NAALADL2: variants seen among roughly 807,000 people sequenced by gnomAD.
NAALADL2 encodes N-acetylated alpha-linked acidic dipeptidase like 2, also known as inactive N-acetylated-alpha-linked acidic dipeptidase-like protein 2.
A neutral mutation model predicts 87.2 loss-of-function variants in NAALADL2; 76 were observed. The ratio of observed to expected loss-of-function variants is 0.87; its 90% CI spans 0.72 to 1.05. NAALADL2 has a LOEUF of 1.05. Among genes scored for constraint, NAALADL2 ranks in the 50% least tolerant of loss-of-function variants. The pLI is 0.00. For synonymous variants in NAALADL2, 354 were observed against 331.0 expected (o/e 1.07, Z -0.75); for missense variants, 1,089 against 945.8 (o/e 1.15, Z -1.99).
At chr3:174,944,815 G>A (rs913249732) in intron 1 of NAALADL2, among the ~76,000 whole-genome samples, 1 of 152,106 alleles carries the variant, frequency 6.6e-6, no homozygotes, top group African/African-American at 2.4e-5. Context: ...GTTCCCAGGG[G>A]TCACACATTC....
At chr3:175,172,213 G>T (rs966512491) in intron 2 of NAALADL2, among the ~76,000 whole-genome samples, 7 of 151,910 alleles carry the variant, frequency 4.6e-5, no homozygotes, top group African/African-American at 1.7e-4. Context: ...CATTGATAAT[G>T]TAATCATATC....
chr3:175,131,549 C>T (rs1238272132), intron 2 of NAALADL2, among the ~76,000 whole-genome samples: 2 of 152,202 alleles, frequency 1.3e-5, no homozygotes, highest in African/African-American at 4.8e-5. Context: ...CCTCTTTCTA[C>T]ACAGACATGG....
chr3:174,455,112 A>G (rs1037561607), intron 1 of NAALADL2, among the ~76,000 whole-genome samples: 17 of 152,214 alleles, frequency 1.1e-4, no homozygotes, highest in African/African-American at 2.4e-4. Context: ...CTCTGTGCAT[A>G]CAAACTAAAA....
intron 1 of NAALADL2, among the ~76,000 whole-genome samples, chr3:175,061,799 T>C (rs1713553004): frequency 6.6e-6 from 1 of 151,148 alleles, no homozygotes; most frequent in African/African-American, 2.4e-5. Flanking sequence ...TCCATGAGCT[T>C]ATGCCTATGT....
At chr3:175,400,293 T>C (rs566049680) in intron 5 of NAALADL2, among the ~76,000 whole-genome samples, 2 of 152,248 alleles carry the variant, frequency 1.3e-5, no homozygotes, top group South Asian at 4.1e-4. Flanking sequence ...CTTTCCCAGG[T>C]AACAAGCACA....
At chr3:174,705,782 C>CAAAA (rs368457644) in intron 2 of NAALADL2, among the ~76,000 whole-genome samples, 2 of 114,538 alleles carry the variant, frequency 1.7e-5, no homozygotes, top group African/African-American at 3.5e-5. Flanking sequence ...GACTCCGTCT[C>CAAAA]AAAAAAAAAA....
At chr3:174,624,706 A>C (rs1167569735) in intron 2 of NAALADL2, among the ~76,000 whole-genome samples, 1 of 152,062 alleles carries the variant, frequency 6.6e-6, no homozygotes, top group Non-Finnish European at 1.5e-5. Flanking sequence ...AAAATAACTA[A>C]TAGTTATTTA....
intron 2 of NAALADL2, among the ~76,000 whole-genome samples, chr3:174,573,525 A>G (rs925957729): frequency 6.6e-6 from 1 of 152,146 alleles, no homozygotes; most frequent in Admixed American, 6.6e-5. Context: ...GTAATTTATA[A>G]TGGAAAAAAG....
chr3:175,730,456 A>G (rs1743586964), intron 11 of NAALADL2, among the ~76,000 whole-genome samples: 1 of 135,624 alleles, frequency 7.4e-6, no homozygotes, highest in Admixed American at 7.3e-5. Flanking sequence ...ACACATACAC[A>G]CGCACACACA....
chr3:175,639,296 GT>G (rs909257456), intron 11 of NAALADL2, among the ~76,000 whole-genome samples: 4 of 133,840 alleles, frequency 3.0e-5, no homozygotes, highest in East Asian at 4.4e-4. Context: ...GCCCACAGCA[GT>G]TTTTTTTCAA....
chr3:175,247,533 C>G (rs1748210987), intron 3 of NAALADL2, among the ~76,000 whole-genome samples: 1 of 151,622 alleles, frequency 6.6e-6, no homozygotes, highest in Admixed American at 6.6e-5. Context: ...TAACAAGGAA[C>G]AGCTAAATCC....
At chr3:175,506,919 AG>A (rs1471029161) in intron 9 of NAALADL2, among the ~76,000 whole-genome samples, 1 of 152,042 alleles carries the variant, frequency 6.6e-6, no homozygotes, top group South Asian at 2.1e-4. Flanking sequence ...CTTCCTTTAG[AG>A]GGGGAAATGA....
chr3:174,972,644 A>G (rs1231426259), intron 1 of NAALADL2, among the ~76,000 whole-genome samples: 1 of 152,156 alleles, frequency 6.6e-6, no homozygotes, highest in African/African-American at 2.4e-5. Flanking sequence ...GGACTGCAAC[A>G]TGTAAATTTC....
intron 2 of NAALADL2, among the ~76,000 whole-genome samples, chr3:174,737,132 G>A (rs948790063): frequency 3.0e-4 from 46 of 152,252 alleles, no homozygotes; most frequent in South Asian, 2.1e-4. Flanking sequence ...CCCTAGCCAC[G>A]CCTCCCCTAC....
intron 1 of NAALADL2, among the ~76,000 whole-genome samples, chr3:175,006,658 A>T (rs1229888026): frequency 6.6e-6 from 1 of 151,356 alleles, no homozygotes; most frequent in Non-Finnish European, 1.5e-5. Context: ...GAAAAAAAAA[A>T]TTGTTTTTCT....
chr3:174,576,294 G>C (rs1715523009), intron 2 of NAALADL2, among the ~76,000 whole-genome samples: 2 of 152,206 alleles, frequency 1.3e-5, no homozygotes, highest in South Asian at 4.2e-4. Context: ...TGTTAAGAAG[G>C]AAAATTACAT....
chr3:175,492,555 GCAGGGAAA>G (rs1728251756), intron 9 of NAALADL2, among the ~76,000 whole-genome samples: 1 of 152,074 alleles, frequency 6.6e-6, no homozygotes, highest in Admixed American at 6.6e-5. Context: ...AGTGCCTTTG[GCAGGGAAA>G]CAGTACCCGG....
intron 1 of NAALADL2, among the ~76,000 whole-genome samples, chr3:175,082,305 G>C (rs1259873262): frequency 6.6e-6 from 1 of 152,116 alleles, no homozygotes; most frequent in Non-Finnish European, 1.5e-5. Flanking sequence ...TGGAAGACTG[G>C]TTTTGGTTAT....
At chr3:175,447,447 G>C in intron 6 of NAALADL2, 75 bp downstream of exon 6, 2 of 995,512 alleles carry the variant, frequency 2.0e-6, no homozygotes, top group Non-Finnish European at 2.9e-6. Context: ...CTCCTAAATT[G>C]ATGTATGTAG....
Sources: allele counts gnomAD v4.1 joint callset (sites outside exome capture counted in the v4.1 genomes callset), GRCh38; gene constraint gnomAD v4.1.1; transcripts MANE v1.5; gene names NCBI Gene and HGNC (gene_info 2026-07-23, HGNC 2026-07-21).